The following RAB11FIP3 variants were observed in gnomAD, a reference collection of about 807,000 sequenced individuals.
RAB11FIP3 encodes rab11 family-interacting protein 3.
In RAB11FIP3, 17 loss-of-function variants were observed where a neutral mutation model predicts 77.8. The ratio of observed to expected loss-of-function variants is 0.22; its 90% CI spans 0.15 to 0.33. The LOEUF is 0.33. Ranked by LOEUF, RAB11FIP3 falls within the 10% of genes least tolerant of loss-of-function variation. RAB11FIP3 has a pLI of 1.00. For synonymous variants in RAB11FIP3, 437 were observed against 448.2 expected (o/e 0.98, Z 0.31); for missense variants, 1,005 against 1,011.2 (o/e 0.99, Z 0.08).
intron 3 of RAB11FIP3, chr16:475,109 G>T: frequency 6.4e-7 from 1 of 1,550,514 alleles, no homozygotes; most frequent in Non-Finnish European, 8.7e-7. Flanking sequence ...GTAAGAGGAG[G>T]CAGTAGTGTG....
intron 1 of RAB11FIP3, among the ~76,000 whole-genome samples, chr16:431,645 G>A (rs1157522796): frequency 6.6e-6 from 1 of 152,152 alleles, no homozygotes; most frequent in Non-Finnish European, 1.5e-5. Context: ...AAAGTGTTGG[G>A]ATTACAGATG....
At chr16:482,314 C>T in intron 3 of RAB11FIP3, 5 of 694,644 alleles carry the variant, frequency 7.2e-6, no homozygotes, top group Admixed American at 2.0e-5. Flanking sequence ...CCGAGGCCTC[C>T]GAAAGTACTG....
In RAB11FIP3 at chr16:472,885, T is replaced by C. The variant is rs1217808079; in HGVS notation, c.903+1496T>C. ...TTTGGGCCCTAAATCCAGTGACAGG[T>C]GTCCCTGGAAGACGGGAGAGACACA... is the stretch of plus-strand genomic sequence containing the variant. On this transcript the variant is annotated intron_variant, in intron 3 of 13. Coordinates refer to ENST00000262305, the MANE Select transcript of RAB11FIP3 (RefSeq NM_014700.4). This position sits in a 1 kb window ranked among gnomAD's most constrained non-coding sequence, Gnocchi z 4.1. Among the ~76,000 whole-genome samples, 2 of 152,050 alleles carry C rather than the reference T, an allele frequency of 1.3e-5. No homozygotes were observed. Among genetic ancestry groups the C allele is most frequent in the African/African-American group, 4.8e-5 (2 of 41,374 alleles).
In RAB11FIP3 at chr16:496,696, G is replaced by C. The variant is rs911793926; in HGVS notation, c.1266-128G>C. The stretch of plus-strand genomic sequence containing the variant: ...ATTTGTGCATGGACTTGCCTGGGGG[G>C]CCCTGCATGCCGGGAGCATTGCTGA... On this transcript the variant is annotated intron_variant, in intron 5 of 13. Coordinates refer to ENST00000262305, the MANE Select transcript of RAB11FIP3 (RefSeq NM_014700.4). 10 of 862,230 alleles carry C rather than the reference G, an allele frequency of 1.2e-5. No individual in the cohort carries two copies. In the East Asian group the frequency reaches 2.6e-4, roughly 23 times the overall value. The allele number at this position is 862,230 out of a possible 1,614,324, so 53.4% of individuals were successfully genotyped here. A position where few individuals can be genotyped will look rare whatever the true frequency, so the allele number is the denominator to read the frequency against.
chr16:491,261 A>T (rs1005328235), intron 5 of RAB11FIP3: 8 of 1,304,604 alleles, frequency 6.1e-6, no homozygotes, highest in African/African-American at 1.5e-5. Context: ...TGATCTTGAA[A>T]TGAATAGGTA....
chr16:489,581 C>G (rs1437146378), intron 5 of RAB11FIP3, among the ~76,000 whole-genome samples: 1 of 152,166 alleles, frequency 6.6e-6, no homozygotes, highest in Admixed American at 6.5e-5. Context: ...CTAGGACGCT[C>G]CTGACTTCAG....
chr16:519,597 G>A (rs2032576361), intron 10 of RAB11FIP3, among the ~76,000 whole-genome samples, 157 bp from the exon 11 acceptor site: 1 of 152,238 alleles, frequency 6.6e-6, no homozygotes, highest in African/African-American at 2.4e-5. Context: ...CCACTGAGAG[G>A]CAGGAAGGCT....
intron 3 of RAB11FIP3, among the ~76,000 whole-genome samples, chr16:474,130 A>T (rs1389994532): frequency 6.6e-6 from 1 of 152,086 alleles, no homozygotes; most frequent in African/African-American, 2.4e-5. Flanking sequence ...AAAAAAAAAA[A>T]GTCTAATAAA....
At chr16:503,183 T>G in intron 7 of RAB11FIP3, 86 bp downstream of exon 7, 1 of 1,107,820 alleles carries the variant, frequency 9.0e-7, no homozygotes, top group South Asian at 1.4e-5. Context: ...CCCCGGGAGG[T>G]GGGGACAGCA....
intron 1 of RAB11FIP3, among the ~76,000 whole-genome samples, chr16:431,431 G>A (rs2055033752): frequency 6.6e-6 from 1 of 151,004 alleles, no homozygotes. Flanking sequence ...CCATGCTGGA[G>A]TGCAGTGGCA....
chr16:474,359 G>C (rs958427542), intron 3 of RAB11FIP3, among the ~76,000 whole-genome samples: 2 of 152,172 alleles, frequency 1.3e-5, no homozygotes, highest in East Asian at 3.8e-4. Flanking sequence ...CCGAGCTAGT[G>C]GGTCTGCTGG....
chr16:458,854 C>G (rs1166012803), intron 1 of RAB11FIP3, among the ~76,000 whole-genome samples: 1 of 152,102 alleles, frequency 6.6e-6, no homozygotes, highest in African/African-American at 2.4e-5. Flanking sequence ...TTCTCTTTTG[C>G]TGTTCTTGAA....
Position 426,803 on chromosome 16 carries a change from GC to G in RAB11FIP3, c.714+87del. 8.6e-7 allele frequency: 1 copy of G among 1,166,460 alleles called. No homozygotes were observed. The highest frequency in any genetic ancestry group is 1.2e-6 in the Non-Finnish European group (1 of 854,566). The allele number at this position is 1,166,460 out of a possible 1,614,324, so 72.3% of individuals were successfully genotyped here. On this transcript the variant is annotated intron_variant, in intron 1 of 13. Coordinates refer to ENST00000262305, the MANE Select transcript of RAB11FIP3 (RefSeq NM_014700.4). This position sits in a 1 kb window ranked among gnomAD's most constrained non-coding sequence, Gnocchi z 5.0. ...GGTTGATGTGGGACCGGTCGACGCT[GC>G]CCCTGGAGTCGGGAAAGGCACTGTC...
chr16:434,048 T>A (rs971570308), intron 1 of RAB11FIP3, among the ~76,000 whole-genome samples: 2 of 152,146 alleles, frequency 1.3e-5, no homozygotes, highest in African/African-American at 2.4e-5. Context: ...GTGGGATTGC[T>A]GGATTGTATA....
rs568568980 is a variant in RAB11FIP3, at chr16:456,752, A to G, written c.715-4652A>G. Among the ~76,000 whole-genome samples the G allele has an allele frequency of 2.0e-5, 3 of 152,324 alleles. No individual in the cohort carries two copies. The South Asian group carries it at 6.2e-4, about 32-fold the overall frequency. On this transcript the variant is annotated intron_variant, in intron 1 of 13. Coordinates refer to ENST00000262305, the MANE Select transcript of RAB11FIP3 (RefSeq NM_014700.4). ...ATCCTGGGCGACGGAGTGAGACTCC[A>G]TCTCAACAACAAACAAAAAAACCAA... is the stretch of plus-strand genomic sequence containing the variant.
rs563009856 is a variant in RAB11FIP3 at position 517,812 on chromosome 16, G to T, written c.1641-1131G>T. Among the ~76,000 whole-genome samples the T allele has an allele frequency of 5.3e-5, 8 of 152,282 alleles. No individual in the cohort carries two copies. The East Asian group carries it at 1.5e-3, about 29-fold the overall frequency. ...TGATACAGGATCTTGGCCGGGCGCG[G>T]TGGCTCACGCCTGTAATCCCAGCAC... is the stretch of plus-strand genomic sequence containing the variant. On this transcript the variant is annotated intron_variant, in intron 9 of 13. Transcript: ENST00000262305.
At chr16:447,172 G>A (rs1264172992) in intron 1 of RAB11FIP3, among the ~76,000 whole-genome samples, 1 of 152,046 alleles carries the variant, frequency 6.6e-6, no homozygotes, top group Non-Finnish European at 1.5e-5. Context: ...AAGTGTGATG[G>A]TTTACCCCTG....
In RAB11FIP3 at chr16:426,308, C is replaced by G; in HGVS notation, c.302C>G (p.Ala101Gly). 1 of 1,319,488 alleles carries G rather than the reference C, an allele frequency of 7.6e-7. No homozygotes were observed. The allele number at this position is 1,319,488 out of a possible 1,614,324, so 81.7% of individuals were successfully genotyped here. A position where few individuals can be genotyped will look rare whatever the true frequency, so the allele number is the denominator to read the frequency against. Residue 101 changes from alanine to glycine, a missense_variant, in exon 1 of 14, where the codon GCG (alanine) becomes GGG (glycine). Transcript: ENST00000262305. The surrounding 1 kb of genome is among the most constrained non-coding windows in gnomAD (Gnocchi z 5.0). Reference protein sequence around the residue: ...PPRSGPRGQLASPDAPGPGPR... With the variant: ...PPRSGPRGQLGSPDAPGPGPR... ...CGCTCCGGCCCGCGGGGGCAGCTTG[C>G]GAGCCCCGACGCCCCGGGCCCAGGG... is the stretch of plus-strand genomic sequence containing the variant.
intron 7 of RAB11FIP3, among the ~76,000 whole-genome samples, chr16:503,972 TCACCACCTCCTGTACCC>T (rs2031675338): frequency 4.8e-5 from 1 of 20,650 alleles, no homozygotes; most frequent in Non-Finnish European, 7.5e-5. Flanking sequence ...CTGTACCCCC[TCACCACCTCCTGTACCC>T]CCTCACCACC....
Sources: allele counts gnomAD v4.1 joint callset (sites outside exome capture counted in the v4.1 genomes callset), GRCh38; gene constraint gnomAD v4.1.1; non-coding constraint Gnocchi (gnomAD v3.1); transcripts MANE v1.5; gene names NCBI Gene and HGNC (gene_info 2026-07-23, HGNC 2026-07-21).